The following YWHAE variants were observed in gnomAD, a reference collection of about 807,000 sequenced individuals.
YWHAE encodes tyrosine 3-monooxygenase/tryptophan 5-monooxygenase activation protein epsilon, also known as 14-3-3 protein epsilon.
YWHAE carries 4 observed loss-of-function variants against 30.1 expected under a neutral mutation model. The ratio of observed to expected loss-of-function variants is 0.13; its 90% CI spans 0.07 to 0.30. YWHAE has a LOEUF of 0.30. Ranked by LOEUF, YWHAE falls within the 10% of genes least tolerant of loss-of-function variation. The pLI is 1.00. For missense variants in YWHAE, 121 were observed against 315.9 expected, an observed-to-expected ratio of 0.38 and a Z score of 4.68; for synonymous variants, 118 against 111.8, an observed-to-expected ratio of 1.06 and a Z score of -0.35.
chr17:1,376,395 AGAGAGAAAG>A (rs1567974552), intron 1 of YWHAE, among the ~76,000 whole-genome samples: 26 of 72,264 alleles, frequency 3.6e-4, no homozygotes, highest in East Asian at 1.7e-3. Context: ...AAAAAGAAAG[AGAGAGAAAG>A]AAAGAAAAGA....
chr17:1,390,768 C>T (rs2073377550), intron 1 of YWHAE, among the ~76,000 whole-genome samples: 1 of 152,084 alleles, frequency 6.6e-6, no homozygotes, highest in Non-Finnish European at 1.5e-5. Context: ...TGCTTTAGCT[C>T]GATAAAATCC....
At chr17:1,354,413 T>A (rs953532491) in intron 4 of YWHAE, 66 bp from the exon 5 acceptor site, 1 of 1,483,730 alleles carries the variant, frequency 6.7e-7, no homozygotes, top group Non-Finnish European at 9.2e-7. Context: ...AATGACATGC[T>A]AGACAGCAAT....
intron 1 of YWHAE, among the ~76,000 whole-genome samples, chr17:1,370,816 GA>G (rs1339443154): frequency 4.0e-5 from 6 of 151,834 alleles, no homozygotes; most frequent in Non-Finnish European, 5.9e-5. Flanking sequence ...CTAACAAGGT[GA>G]AAACCTCGTC....
At chr17:1,377,071 G>A (rs1454936153) in intron 1 of YWHAE, among the ~76,000 whole-genome samples, 1 of 151,882 alleles carries the variant, frequency 6.6e-6, no homozygotes, top group Non-Finnish European at 1.5e-5. Context: ...CCGCCAACGT[G>A]CACGGCTAAT....
intron 1 of YWHAE, among the ~76,000 whole-genome samples, chr17:1,370,296 T>TC (rs1189133566): frequency 1.3e-5 from 2 of 150,928 alleles, no homozygotes; most frequent in East Asian, 3.9e-4. Flanking sequence ...CCAGTGAATT[T>TC]TTTTGTGTGT....
intron 5 of YWHAE, among the ~76,000 whole-genome samples, chr17:1,349,422 A>T (rs1237575248): frequency 6.6e-6 from 1 of 152,176 alleles, no homozygotes; most frequent in African/African-American, 2.4e-5. Context: ...GTGTATTCAG[A>T]GTTTGTTAGT....
rs755504405 is a variant in YWHAE at position 1,361,892 on chromosome 17, T to TA, written c.371+9dup. On this transcript the variant is annotated intron_variant, in intron 3 of 5. Coordinates refer to ENST00000264335, the MANE Select transcript of YWHAE (RefSeq NM_006761.5). ...CAATCTTACATTTTCCCTTCTAGTA[T>TA]AGAACCTACATTTTATAATAGAAAA... The TA allele has an allele frequency of 3.0e-5, 48 of 1,574,148 alleles. No homozygotes were observed. Among genetic ancestry groups the TA allele is most frequent in the Non-Finnish European group, 4.0e-5 (46 of 1,161,208 alleles).
intron 1 of YWHAE, among the ~76,000 whole-genome samples, chr17:1,370,182 C>A (rs550123308): frequency 8.4e-4 from 114 of 135,686 alleles, no homozygotes; most frequent in South Asian, 3.9e-3. Flanking sequence ...GCTGGAGTGC[C>A]TGGGCGTGAT....
Position 1,360,109 on chromosome 17 carries a change from T to C in YWHAE, c.578+983A>G, listed in dbSNP as rs566130634. Among the ~76,000 whole-genome samples the C allele has an allele frequency of 7.9e-5, 12 of 152,136 alleles. No individual in the cohort carries two copies. The East Asian group carries it at 1.4e-3, about 17-fold the overall frequency. ...TCCCGAGTAACTGGGATTGCAGGCATGCACCACCACACCCGGCTAATTTTG... is the reference window on the plus strand; with the variant it reads ...TCCCGAGTAACTGGGATTGCAGGCACGCACCACCACACCCGGCTAATTTTG... On this transcript the variant is annotated intron_variant, in intron 4 of 5. Coordinates refer to ENST00000264335, the MANE Select transcript of YWHAE (RefSeq NM_006761.5).
intron 1 of YWHAE, among the ~76,000 whole-genome samples, chr17:1,383,948 G>T (rs945658962): frequency 1.6e-4 from 24 of 151,940 alleles, no homozygotes; most frequent in African/African-American, 5.3e-4. Context: ...GCTCACGCCT[G>T]TAATTCAAGC....
intron 4 of YWHAE, among the ~76,000 whole-genome samples, chr17:1,356,171 A>AACACACACACACACACACACACACAC (rs71148473): frequency 2.8e-5 from 4 of 142,974 alleles, no homozygotes; most frequent in Non-Finnish European, 6.1e-5. Flanking sequence ...TCCGTCTAAA[A>AACACACACACACACACACACACACAC]ACACACACAC....
chr17:1,347,151 C>T lies in YWHAE; in HGVS notation c.716-1652G>A, dbSNP rs1048295147. Among the ~76,000 whole-genome samples, 50 of 133,508 alleles carry T rather than the reference C, an allele frequency of 3.7e-4. 1 individual carries two copies. The highest frequency in any genetic ancestry group is 3.1e-4 in the Admixed American group (4 of 12,890). 87.6% of individuals were successfully genotyped at this position (133,508 alleles called of 152,430 possible). The stretch of plus-strand genomic sequence containing the variant: ...GACCATCCTGGCTAACACAGTGAAA[C>T]CCTGTCTCTACTAAAAATACAAAAA... On this transcript the variant is annotated intron_variant, in intron 5 of 5. Coordinates refer to ENST00000264335, the MANE Select transcript of YWHAE (RefSeq NM_006761.5).
intron 1 of YWHAE, among the ~76,000 whole-genome samples, chr17:1,393,960 A>G (rs954061214): frequency 6.6e-6 from 1 of 152,190 alleles, no homozygotes; most frequent in African/African-American, 2.4e-5. Flanking sequence ...CACCATGGAT[A>G]TCAGTCATCA....
rs1054408543 is a variant in YWHAE at position 1,368,185 on chromosome 17, G to A, written c.65-3127C>T. Among the ~76,000 whole-genome samples the A allele has an allele frequency of 1.8e-4, 27 of 152,096 alleles. 1 individual carries two copies. Among genetic ancestry groups the A allele is most frequent in the Admixed American group, 1.4e-3 (21 of 15,254 alleles). ...GCAGATCACCTGAGGTCGGGAGATC[G>A]AGACCAGCCTGACCAGCATGGAGAA... On this transcript the variant is annotated intron_variant, in intron 1 of 5. Transcript: ENST00000264335.
At chr17:1,346,990 C>CA (rs71148471) in intron 5 of YWHAE, among the ~76,000 whole-genome samples, 14,453 of 73,938 alleles carry the variant, frequency 0.2, 1,053 homozygotes, top group Non-Finnish European at 0.23. Flanking sequence ...GACTCCGTCT[C>CA]AAAAAAAAAA....
At chr17:1,361,024 A>G (rs2072855698) in intron 4 of YWHAE, 68 bp downstream of exon 4, 2 of 1,453,732 alleles carry the variant, frequency 1.4e-6, no homozygotes, top group African/African-American at 2.8e-5. Flanking sequence ...AAGAAACAAC[A>G]CGGAAAACCC....
chr17:1,382,755 T>G (rs1024379002), intron 1 of YWHAE, among the ~76,000 whole-genome samples: 7 of 152,120 alleles, frequency 4.6e-5, no homozygotes, highest in African/African-American at 1.7e-4. Context: ...CCAGGTGCGG[T>G]GGCTCATACC....
chr17:1,346,795 G>A (rs1567951509), intron 5 of YWHAE, among the ~76,000 whole-genome samples: 1 of 151,720 alleles, frequency 6.6e-6, no homozygotes, highest in Non-Finnish European at 1.5e-5. Context: ...GACCATCCTG[G>A]CTAACACAGT....
At chr17:1,390,740 G>T (rs1267241727) in intron 1 of YWHAE, among the ~76,000 whole-genome samples, 1 of 152,162 alleles carries the variant, frequency 6.6e-6, no homozygotes, top group Admixed American at 6.6e-5. Context: ...TGAATGAAGA[G>T]TTAAACACAT....
Sources: allele counts gnomAD v4.1 joint callset (sites outside exome capture counted in the v4.1 genomes callset), GRCh38; gene constraint gnomAD v4.1.1; transcripts MANE v1.5; gene names NCBI Gene and HGNC (gene_info 2026-07-23, HGNC 2026-07-21).